PCDHA3: variants seen among roughly 807,000 people sequenced by gnomAD.
The protein encoded by PCDHA3 is protocadherin alpha-3.
Under a neutral mutation model 62.2 loss-of-function variants are expected in PCDHA3, and 41 were observed. The observed-to-expected ratio is 0.66, with a 90% CI of 0.51 to 0.86. PCDHA3 has a LOEUF of 0.86. Ranked by LOEUF, PCDHA3 falls within the 40% of genes least tolerant of loss-of-function variation. The pLI is 0.00. For missense variants in PCDHA3, 1,304 were observed against 1,241.2 expected (o/e 1.05, Z -0.76); for synonymous variants, 640 against 555.4 (o/e 1.15, Z -2.14).
chr5:140,928,125 C>T, intron 1 of PCDHA3: 2 of 1,614,154 alleles, frequency 1.2e-6, no homozygotes, highest in Non-Finnish European at 1.7e-6. Context: ...TCAGTGAATA[C>T]CAAGTCCTGA....
intron 1 of PCDHA3, among the ~76,000 whole-genome samples, chr5:140,875,022 C>T (rs1267699693): frequency 6.6e-6 from 1 of 152,116 alleles, no homozygotes; most frequent in Non-Finnish European, 1.5e-5. Context: ...TAGGTTCTGG[C>T]CTACTGTATT....
chr5:140,809,352 G>C, intron 1 of PCDHA3: 2 of 1,614,018 alleles, frequency 1.2e-6, no homozygotes, highest in Non-Finnish European at 1.7e-6. Context: ...ACCGCGCTGC[G>C]GTGCTCTGCG....
At position 140,801,559 on chromosome 5, in the gene PCDHA3, T is replaced by C. The variant is rs1554121548; in HGVS notation, c.362T>C (p.Val121Ala). 6.2e-7 allele frequency: 1 copy of C among 1,613,756 alleles called. No homozygotes were observed. The highest frequency in any genetic ancestry group is 8.5e-7 in the Non-Finnish European group (1 of 1,179,964). Reference protein sequence around the residue: ...DRPLQVFHVEVEVKDINDNAP... With the variant: ...DRPLQVFHVEAEVKDINDNAP... ...CCGCTGCAGGTTTTCCATGTGGAGG[T>C]GGAAGTGAAGGACATTAATGACAAC... Residue 121 changes from valine (V) to alanine (A), a missense_variant, in exon 1 of 4, where the codon GTG becomes GCG. Physicochemically the swap from Val to Ala is moderately conservative, Grantham distance 64 (BLOSUM62 0). Transcript: ENST00000522353.
At chr5:140,827,829 G>A (rs1007724850) in intron 1 of PCDHA3, 4 of 411,314 alleles carry the variant, frequency 9.7e-6, no homozygotes, top group African/African-American at 8.0e-5. Context: ...TATAAAAGTA[G>A]AGAAAAGAAG....
chr5:140,874,266 T>C (rs1554167103), intron 1 of PCDHA3, among the ~76,000 whole-genome samples: 2 of 152,222 alleles, frequency 1.3e-5, no homozygotes, highest in Admixed American at 1.3e-4. Context: ...TTGACTTGAG[T>C]ATTAATAGAC....
intron 3 of PCDHA3, among the ~76,000 whole-genome samples, chr5:140,988,486 T>C (rs2153874124): frequency 6.6e-6 from 1 of 152,286 alleles, no homozygotes; most frequent in South Asian, 2.1e-4. Context: ...TAGCATCCCC[T>C]ACCTAGGAGA....
chr5:140,843,191 G>C lies in PCDHA3; in HGVS notation c.2394+39600G>C, dbSNP rs1201499380. 28 of 1,595,928 alleles carry C rather than the reference G, an allele frequency of 1.8e-5. 6 individuals are homozygous for C. Among genetic ancestry groups the C allele is most frequent in the Middle Eastern group, 1.7e-4 (1 of 6,014 alleles). On this transcript the variant is annotated intron_variant, in intron 1 of 3. Transcript: ENST00000522353. ...AAGCAGCCCTCGCATCCCGTTCCGC[G>C]TGGGGCTGTACACGGGCGAGATCAG...
chr5:140,843,129 A>G (rs2150353513), intron 1 of PCDHA3: 1 of 1,596,008 alleles, frequency 6.3e-7, no homozygotes, highest in Non-Finnish European at 8.6e-7. Context: ...GACTCGGGCT[A>G]CAACGCGTGG....
At chr5:140,929,250 G>A (rs995042103) in intron 1 of PCDHA3, 2 of 1,613,420 alleles carry the variant, frequency 1.2e-6, no homozygotes, top group Admixed American at 1.7e-5. Flanking sequence ...TTGCCACTGG[G>A]GTAGGACTGA....
intron 1 of PCDHA3, chr5:140,869,354 T>C (rs782282863): frequency 6.2e-7 from 1 of 1,614,116 alleles, no homozygotes; most frequent in Non-Finnish European, 8.5e-7. Context: ...AATGGCATTT[T>C]GTTTGTGAAT....
At chr5:140,868,633 C>T (rs1554162141) in intron 1 of PCDHA3, 1 of 154,552 alleles carries the variant, frequency 6.5e-6, no homozygotes, top group Non-Finnish European at 1.4e-5. Flanking sequence ...AATTCTCTTT[C>T]TCTCTCACTC....
intron 1 of PCDHA3, among the ~76,000 whole-genome samples, chr5:140,904,096 T>C (rs2153483454): frequency 6.6e-6 from 1 of 152,312 alleles, no homozygotes; most frequent in Admixed American, 6.5e-5. Flanking sequence ...AATAACTACT[T>C]TAGTGGTCAT....
intron 1 of PCDHA3, chr5:140,966,455 C>T (rs376758355): frequency 4.7e-6 from 2 of 426,810 alleles, no homozygotes; most frequent in East Asian, 3.5e-5. Flanking sequence ...CCCCCTCCCC[C>T]TCTGTCTTCC....
At chr5:140,967,046 C>T in intron 1 of PCDHA3, 1 of 1,612,334 alleles carries the variant, frequency 6.2e-7, no homozygotes, top group African/African-American at 1.3e-5. Context: ...GGAGCTGGAC[C>T]TGACGAGTGG....
intron 1 of PCDHA3, chr5:140,857,748 C>T: frequency 6.3e-7 from 1 of 1,597,386 alleles, no homozygotes; most frequent in Middle Eastern, 1.8e-4. Flanking sequence ...CTGCTGGCGT[C>T]TCCCGCTGGC....
intron 1 of PCDHA3, among the ~76,000 whole-genome samples, chr5:140,939,509 C>T (rs1013863525): frequency 9.3e-5 from 14 of 150,592 alleles, no homozygotes; most frequent in Non-Finnish European, 1.8e-4. Flanking sequence ...ATGTCTATAA[C>T]ATTAATAGTT....
Position 141,000,581 on chromosome 5 carries a change from C to G in PCDHA3, c.2543-9046C>G, listed in dbSNP as rs960660351. On this transcript the variant is annotated intron_variant, in intron 3 of 3. Transcript: ENST00000522353. ...TAGCTGGGATTACAGGTGCCTGCCA[C>G]CATGCCCAGCTAATTTTTGTATTTT... is the stretch of plus-strand genomic sequence containing the variant. 2.0e-5 allele frequency among the ~76,000 whole-genome samples: 3 copies of G among 150,722 alleles called. No individual in the cohort carries two copies. In the East Asian group the frequency reaches 5.8e-4, roughly 29 times the overall value.
intron 1 of PCDHA3, chr5:140,804,976 A>C (rs1052174492): frequency 2.9e-5 from 43 of 1,493,470 alleles, no homozygotes; most frequent in Middle Eastern, 2.0e-4. Context: ...TAGTGTGTCC[A>C]TCTCAGGTCA....
chr5:140,823,827 C>T (rs1554129619), intron 1 of PCDHA3: 4 of 1,613,688 alleles, frequency 2.5e-6, no homozygotes, highest in Non-Finnish European at 2.5e-6. Context: ...CGTCGGCGGG[C>T]GCTGTGGGTC....
Sources: gnomAD v4.1 joint callset for allele counts (sites outside exome capture counted in the v4.1 genomes callset) on GRCh38, gnomAD v4.1.1 for gene constraint, MANE v1.5 for transcripts, NCBI Gene and HGNC (gene_info 2026-07-23, HGNC 2026-07-21) for gene names.